The following ADCY2 variants were observed in gnomAD, a reference collection of about 807,000 sequenced individuals.
ADCY2 encodes the protein adenylate cyclase 2.
A neutral mutation model predicts 125.2 loss-of-function variants in ADCY2; 31 were observed. The observed-to-expected ratio is 0.25, with a 90% CI of 0.19 to 0.33. The LOEUF (loss-of-function observed/expected upper bound fraction) is 0.33, where lower values mean the gene tolerates loss of function less well. ADCY2 is among the 10% of genes least tolerant of loss of function. ADCY2 has a pLI of 1.00. For missense variants in ADCY2, 904 were observed against 1,418.2 expected (o/e 0.64, Z 5.82); for synonymous variants, 512 against 548.4 (o/e 0.93, Z 0.93).
intron 3 of ADCY2, among the ~76,000 whole-genome samples, chr5:7,569,133 C>A (rs1415414410): frequency 6.6e-6 from 1 of 152,126 alleles, no homozygotes; most frequent in Non-Finnish European, 1.5e-5. Context: ...AATGAGCAAC[C>A]CAGTTCAGTG....
chr5:7,443,639 C>CAAA (rs56089574), intron 2 of ADCY2, among the ~76,000 whole-genome samples: 8 of 51,220 alleles, frequency 1.6e-4, no homozygotes, highest in Non-Finnish European at 1.9e-4. Context: ...GACTCTGTCT[C>CAAA]AAAAAAAAAA....
chr5:7,648,851 G>A (rs965582657), intron 4 of ADCY2, among the ~76,000 whole-genome samples: 18 of 152,116 alleles, frequency 1.2e-4, no homozygotes, highest in African/African-American at 3.6e-4. Flanking sequence ...AATAGAATTG[G>A]AAGAAGGTCT....
intron 20 of ADCY2, among the ~76,000 whole-genome samples, chr5:7,791,240 GA>G (rs1403056969): frequency 1.3e-5 from 2 of 151,626 alleles, no homozygotes; most frequent in Admixed American, 1.3e-4. Flanking sequence ...GGGGTCCTGA[GA>G]TTTTTTTTTT....
At chr5:7,491,338 GC>G (rs1743158534) in intron 2 of ADCY2, among the ~76,000 whole-genome samples, 1 of 151,632 alleles carries the variant, frequency 6.6e-6, no homozygotes, top group Non-Finnish European at 1.5e-5. Flanking sequence ...TGCAACCTCC[GC>G]CTCCTGACTT....
chr5:7,610,023 A>G (rs1737519451), intron 3 of ADCY2, among the ~76,000 whole-genome samples: 2 of 152,196 alleles, frequency 1.3e-5, no homozygotes, highest in African/African-American at 4.8e-5. Context: ...CATGAATGGA[A>G]TGTGGAGATG....
intron 4 of ADCY2, among the ~76,000 whole-genome samples, chr5:7,641,612 C>A (rs1415795073): frequency 1.3e-5 from 2 of 151,976 alleles, no homozygotes; most frequent in Admixed American, 1.3e-4. Context: ...TATGACTGAT[C>A]CCATTACCCA....
At chr5:7,589,358 G>A (rs1478057461) in intron 3 of ADCY2, among the ~76,000 whole-genome samples, 5 of 94,982 alleles carry the variant, frequency 5.3e-5, no homozygotes, top group African/African-American at 1.6e-4. Context: ...AGACTGGAAA[G>A]AAATAAACAA....
At chr5:7,742,995 T>C (rs1258565664) in intron 14 of ADCY2, among the ~76,000 whole-genome samples, 1 of 151,374 alleles carries the variant, frequency 6.6e-6, no homozygotes, top group Non-Finnish European at 1.5e-5. Context: ...TTGAATTATT[T>C]AATTATTTAA....
intron 20 of ADCY2, chr5:7,797,341 G>A (rs1304943841): frequency 1.3e-5 from 2 of 152,334 alleles, no homozygotes; most frequent in African/African-American, 4.8e-5. Context: ...TGGTCTGGGA[G>A]GTGGGAGACC....
At chr5:7,792,663 G>C (rs1372183749) in intron 20 of ADCY2, among the ~76,000 whole-genome samples, 1 of 152,184 alleles carries the variant, frequency 6.6e-6, no homozygotes, top group African/African-American at 2.4e-5. Flanking sequence ...GCAAGCATCA[G>C]AATACAGTTA....
chr5:7,494,760 G>A (rs1743287440), intron 2 of ADCY2, among the ~76,000 whole-genome samples: 2 of 152,180 alleles, frequency 1.3e-5, no homozygotes, highest in South Asian at 4.1e-4. Flanking sequence ...ATTGCCTGGA[G>A]ACCTACCAAG....
chr5:7,639,436 G>A lies in ADCY2; in HGVS notation c.720+13120G>A, dbSNP rs76504933. 8.4e-3 allele frequency among the ~76,000 whole-genome samples: 1,275 copies of A among 152,238 alleles called. 55 individuals are homozygous for A. In the East Asian group the frequency reaches 0.12, roughly 14 times the overall value. On this transcript the variant is annotated intron_variant, in intron 4 of 24. Transcript: ENST00000338316. ...TGCTGCTTTCTCACATTTAACCCAA[G>A]GAGATGGCTGGAGCTGCCACCTGTG...
At chr5:7,526,871 A>G (rs770925895) in intron 3 of ADCY2, among the ~76,000 whole-genome samples, 21 of 152,368 alleles carry the variant, frequency 1.4e-4, no homozygotes, top group Non-Finnish European at 2.5e-4. Flanking sequence ...AATTATCAGA[A>G]AACTTAAAGA....
At chr5:7,824,456 C>T (rs116088589) in intron 24 of ADCY2, among the ~76,000 whole-genome samples, 365 of 152,288 alleles carry the variant, frequency 2.4e-3, no homozygotes, top group African/African-American at 8.2e-3. Context: ...ACAGTTAACC[C>T]CCAAAGCACC....
chr5:7,767,857 C>T (rs908784611), intron 17 of ADCY2, among the ~76,000 whole-genome samples: 2 of 151,806 alleles, frequency 1.3e-5, no homozygotes, highest in Non-Finnish European at 1.5e-5. Context: ...GGTGAAACCC[C>T]GTCTCTACTA....
chr5:7,496,693 C>T (rs1355395327), intron 2 of ADCY2, among the ~76,000 whole-genome samples: 1 of 152,026 alleles, frequency 6.6e-6, no homozygotes, highest in Non-Finnish European at 1.5e-5. Flanking sequence ...GTATTAGCTC[C>T]TGATAAACGA....
At chr5:7,587,363 C>T (rs545716299) in intron 3 of ADCY2, among the ~76,000 whole-genome samples, 75 of 152,322 alleles carry the variant, frequency 4.9e-4, no homozygotes, top group African/African-American at 1.7e-3. Context: ...TATGTGGCAT[C>T]TTCCCTACTC....
intron 18 of ADCY2, 45 bp from the exon 19 acceptor site, chr5:7,784,320 T>C: frequency 7.2e-7 from 1 of 1,388,524 alleles, no homozygotes; most frequent in Middle Eastern, 1.8e-4. Flanking sequence ...GTATGCGTGT[T>C]GTTTTGTTGC....
intron 5 of ADCY2, among the ~76,000 whole-genome samples, chr5:7,694,774 A>G (rs1215891766): frequency 6.6e-6 from 1 of 152,204 alleles, no homozygotes; most frequent in African/African-American, 2.4e-5. Context: ...CTGATTTCAG[A>G]TCTTTGGATA....
Sources: gnomAD v4.1 joint callset for allele counts (sites outside exome capture counted in the v4.1 genomes callset) on GRCh38, gnomAD v4.1.1 for gene constraint, MANE v1.5 for transcripts, NCBI Gene and HGNC (gene_info 2026-07-23, HGNC 2026-07-21) for gene names.